The following DAOA variants were observed in gnomAD, a reference collection of about 807,000 sequenced individuals.
The protein encoded by DAOA is D-amino acid oxidase regulator.
DAOA carries 15 observed loss-of-function variants against 16.4 expected under a neutral mutation model. The observed-to-expected ratio is 0.91, with a 90% CI of 0.61 to 1.41. The LOEUF is 1.41. Among genes scored for constraint, DAOA ranks in the 40% most tolerant of loss-of-function variants. The pLI, the probability that DAOA is intolerant of heterozygous loss-of-function variation, is 0.00. For synonymous variants in DAOA, 75 were observed against 59.1 expected, an observed-to-expected ratio of 1.27 and a Z score of -1.23; for missense variants, 230 against 176.8, an observed-to-expected ratio of 1.30 and a Z score of -1.71.
chr13:105,473,933 C>T (rs1202434315), intron 4 of DAOA, among the ~76,000 whole-genome samples: 1 of 152,048 alleles, frequency 6.6e-6, no homozygotes, highest in African/African-American at 2.4e-5. Flanking sequence ...TCAAACTTTC[C>T]TTTGGAACAA....
chr13:105,477,376 A>G (rs72549489), intron 4 of DAOA, among the ~76,000 whole-genome samples: 24 of 152,216 alleles, frequency 1.6e-4, no homozygotes, highest in Non-Finnish European at 1.0e-4. Context: ...CCTAAAACAT[A>G]TTGGTTATAA....
At chr13:105,484,455 G>T (rs1164647792) in intron 4 of DAOA, among the ~76,000 whole-genome samples, 1 of 152,016 alleles carries the variant, frequency 6.6e-6, no homozygotes, top group African/African-American at 2.4e-5. Context: ...CATTAAAAAT[G>T]TATCTTTCTG....
At chr13:105,474,610 AGCC>A (rs1877215534) in intron 4 of DAOA, among the ~76,000 whole-genome samples, 1 of 152,156 alleles carries the variant, frequency 6.6e-6, no homozygotes, top group Non-Finnish European at 1.5e-5. Context: ...GACTGACTAA[AGCC>A]AGCAAATGTG....
At chr13:105,486,577 C>T (rs1005144738) in intron 4 of DAOA, among the ~76,000 whole-genome samples, 3 of 151,410 alleles carry the variant, frequency 2.0e-5, no homozygotes, top group Non-Finnish European at 2.9e-5. Context: ...CATGAACGCT[C>T]TCAGTTTCCA....
At chr13:105,476,394 G>A (rs1877330341) in intron 4 of DAOA, among the ~76,000 whole-genome samples, 1 of 150,752 alleles carries the variant, frequency 6.6e-6, no homozygotes, top group Non-Finnish European at 1.5e-5. Flanking sequence ...ACAATAATTA[G>A]CTTTCTTAAC....
intron 4 of DAOA, chr13:105,475,006 T>G: frequency 1.0e-6 from 1 of 985,824 alleles, no homozygotes; most frequent in Non-Finnish European, 1.2e-6. Context: ...AATGGCAATT[T>G]GCACTGTCAT....
chr13:105,480,256 G>A (rs974109899), intron 4 of DAOA, among the ~76,000 whole-genome samples: 3 of 152,112 alleles, frequency 2.0e-5, no homozygotes, highest in African/African-American at 7.2e-5. Flanking sequence ...TTCTAAATCA[G>A]TATTTGAATA....
chr13:105,482,572 C>T (rs991819182), intron 4 of DAOA, among the ~76,000 whole-genome samples: 1 of 149,398 alleles, frequency 6.7e-6, no homozygotes, highest in Non-Finnish European at 1.5e-5. Flanking sequence ...TGCAGTGGTG[C>T]GATCACGGCT....
chr13:105,482,116 G>C (rs572610445), intron 4 of DAOA, among the ~76,000 whole-genome samples: 1 of 151,996 alleles, frequency 6.6e-6, no homozygotes, highest in East Asian at 1.9e-4. Flanking sequence ...AACAGCACAG[G>C]AAAGACCTGC....
intron 2 of DAOA, chr13:105,466,536 T>C (rs1369082464): frequency 3.8e-6 from 3 of 785,226 alleles, no homozygotes; most frequent in Non-Finnish European, 3.8e-6. Flanking sequence ...GGATCACTCA[T>C]GTTAATGAGG....
At chr13:105,484,501 T>G (rs1201739824) in intron 4 of DAOA, among the ~76,000 whole-genome samples, 1 of 152,114 alleles carries the variant, frequency 6.6e-6, no homozygotes, top group Non-Finnish European at 1.5e-5. Context: ...TTCCTTAGTG[T>G]TTTCTATTTT....
rs763116465 is a variant in DAOA, at chr13:105,472,664, A to C, written c.260A>C (p.Tyr87Ser). The C allele has an allele frequency of 2.5e-6, 4 of 1,613,972 alleles. No homozygotes were observed. Among genetic ancestry groups the C allele is most frequent in the Non-Finnish European group, 3.4e-6 (4 of 1,179,876 alleles). ...LQRSLCPWVS[Y>S]LPQPYAELEE... ...AGATCATTATGTCCTTGGGTCTCTT[A>C]CCTTCCTCAGCCCTATGCAGAGTAT... is the stretch of plus-strand genomic sequence containing the variant. Residue 87 changes from tyrosine to serine, a missense_variant, in exon 4 of 6, where the codon TAC (tyrosine) becomes TCC (serine). By Grantham distance (144) the Tyr-to-Ser change is moderately radical. Coordinates refer to ENST00000375936, the MANE Select transcript of DAOA (RefSeq NM_172370.5).
At chr13:105,471,414 G>C (rs1876947980) in intron 3 of DAOA, among the ~76,000 whole-genome samples, 1 of 152,126 alleles carries the variant, frequency 6.6e-6, no homozygotes, top group Admixed American at 6.5e-5. Context: ...GCACAGATTT[G>C]ATATGAAGTT....
At chr13:105,489,880 T>C in intron 4 of DAOA, 21 bp from the exon 5 acceptor site, 1 of 1,613,906 alleles carries the variant, frequency 6.2e-7, no homozygotes, top group Non-Finnish European at 8.5e-7. Context: ...CCTGGCCAAC[T>C]GAGACCGGAT....
chr13:105,482,791 C>A (rs1594116148), intron 4 of DAOA, among the ~76,000 whole-genome samples: 1 of 152,118 alleles, frequency 6.6e-6, no homozygotes, highest in African/African-American at 2.4e-5. Flanking sequence ...CAGGCATGAG[C>A]CACTGCTCCT....
chr13:105,475,317 A>C (rs1257140198), intron 4 of DAOA, among the ~76,000 whole-genome samples: 1 of 152,176 alleles, frequency 6.6e-6, no homozygotes, highest in African/African-American at 2.4e-5. Flanking sequence ...TAAACTGTTC[A>C]AAAAGGAAGT....
intron 5 of DAOA, 100 bp downstream of exon 5, chr13:105,490,292 C>G: frequency 2.0e-6 from 1 of 489,036 alleles, no homozygotes. Context: ...ATGATATAAA[C>G]TAATACCATA....
intron 4 of DAOA, among the ~76,000 whole-genome samples, chr13:105,486,555 G>A (rs1878123253): frequency 6.6e-6 from 1 of 151,594 alleles, no homozygotes; most frequent in East Asian, 1.9e-4. Flanking sequence ...AATATTCTTT[G>A]GATGCAGCAT....
rs1186137251 is a variant in DAOA, at chr13:105,479,481, G to A, written c.281+6796G>A. Among the ~76,000 whole-genome samples, 4 of 152,142 alleles carry A rather than the reference G, an allele frequency of 2.6e-5. No individual in the cohort carries two copies. In the East Asian group the frequency reaches 7.7e-4, roughly 29 times the overall value. ...GTAGAAGTCTGAAATTAACACACAG[G>A]CTGGTTCCCACTGGACAGAGAATCT... On this transcript the variant is annotated intron_variant, in intron 4 of 5. Coordinates refer to ENST00000375936, the MANE Select transcript of DAOA (RefSeq NM_172370.5).
Sources: gnomAD v4.1 joint callset for allele counts (sites outside exome capture counted in the v4.1 genomes callset) on GRCh38, gnomAD v4.1.1 for gene constraint, MANE v1.5 for transcripts, NCBI Gene and HGNC (gene_info 2026-07-23, HGNC 2026-07-21) for gene names.